Variants in WDR81 observed in about 807,000 individuals in gnomAD.
The protein encoded by WDR81 is WD repeat domain 81.
In WDR81, 92 loss-of-function variants were observed where a neutral mutation model predicts 140.8. The observed-to-expected ratio is 0.65, with a 90% CI of 0.55 to 0.78. The LOEUF (loss-of-function observed/expected upper bound fraction) is 0.78. Ranked by LOEUF, WDR81 falls within the 30% of genes least tolerant of loss-of-function variation. The pLI, the probability that WDR81 is intolerant of heterozygous loss-of-function variation, is 0.00. For synonymous variants in WDR81, 1,183 were observed against 1,156.4 expected, an observed-to-expected ratio of 1.02 and a Z score of -0.47; for missense variants, 2,502 against 2,636.4, an observed-to-expected ratio of 0.95 and a Z score of 1.12.
Position 1,725,892 on chromosome 17 carries a change from G to C in WDR81, c.933G>C (p.Glu311Asp). The C allele has an allele frequency of 1.3e-6, 2 of 1,550,890 alleles. No individual in the cohort carries two copies. The highest frequency in any genetic ancestry group is 1.7e-6 in the Non-Finnish European group (2 of 1,146,970). The change falls in exon 1 of 10, where the codon GAG (glutamate) becomes GAC (aspartate). Residue 311 changes from glutamate to aspartate, a missense_variant. By Grantham distance (45) the Glu-to-Asp change is conservative. Around this residue, in one of 3 missense-constraint regions of WDR81, gnomAD observed 547 missense variants for 513.8 expected, o/e 1.06. Coordinates refer to ENST00000409644, the MANE Select transcript of WDR81 (RefSeq NM_001163809.2). ...LDLSAYERPE[E>D]DENEEAPVAR... ...TGAGTGCTTATGAGAGGCCCGAGGA[G>C]GACGAGAATGAGGAGGCCCCTGTGG...
chr17:1,721,321 T>C (rs1914852028), upstream of WDR81, among the ~76,000 whole-genome samples: 1 of 151,296 alleles, frequency 6.6e-6, no homozygotes, highest in South Asian at 2.1e-4. Context: ...ATGGTGCCAT[T>C]GCACTCCAGC....
intron 4 of WDR81, 124 bp from the exon 5 acceptor site, chr17:1,732,201 C>T: frequency 1.5e-6 from 2 of 1,336,028 alleles, no homozygotes. Context: ...CGCACCACTG[C>T]ACTCCAGCCT....
rs1478300521 is a variant in WDR81, at chr17:1,730,773, T to C, written c.3794T>C (p.Phe1265Ser). The change falls in exon 3 of 10, where the codon TTC becomes TCC. Residue 1265 changes from phenylalanine to serine, a missense_variant. Phe to Ser is a radical substitution (Grantham distance 155). Transcript: ENST00000409644. Reference sequence around the variant, plus strand: ...GTGGCAGGACCCACTCGGCAGCAGTTCACAGTGAGCAGTGGCGAGAGCCCA... The same window carrying C: ...GTGGCAGGACCCACTCGGCAGCAGTCCACAGTGAGCAGTGGCGAGAGCCCA... The part of the protein sequence containing the change: ...SCYVGPTRQQ[F>S]TVSSGESPPL... The C allele has an allele frequency of 6.2e-7, 1 of 1,611,210 alleles. No individual in the cohort carries two copies. Among genetic ancestry groups the C allele is most frequent in the East Asian group, 2.2e-5 (1 of 44,838 alleles).
At position 1,724,980 on chromosome 17, in the gene WDR81, G is replaced by T. The variant is rs113001863; in HGVS notation, c.21G>T (p.Gly7=). The change falls in exon 1 of 10, where the codon GGG becomes GGT. Residue 7 remains glycine (G), a synonymous_variant. Transcript: ENST00000409644. ...AGGAGATGGCCCAGGGCAGCGGGGG[G>T]CGGGAAGGCGCTCTCAGAACCCCGG... MAQGSG[G]REGALRTPAG... 13,530 of 1,458,622 alleles carry T rather than the reference G, an allele frequency of 9.3e-3. 1,011 individuals are homozygous for T. The African/African-American group carries it at 0.17, about 18-fold the overall frequency. 90.4% of individuals were successfully genotyped at this position (1,458,622 alleles called of 1,614,324 possible). A position where few individuals can be genotyped will look rare whatever the true frequency, so the allele number is the denominator to read the frequency against.
At chr17:1,718,439 C>G (rs1316788562) in intron 1 of WDR81, among the ~76,000 whole-genome samples, 1 of 152,234 alleles carries the variant, frequency 6.6e-6, no homozygotes, top group African/African-American at 2.4e-5. Flanking sequence ...CCACTTCTAA[C>G]TGTTCTCAGC....
chr17:1,724,506 G>A, upstream of WDR81: 1 of 985,930 alleles, frequency 1.0e-6, no homozygotes, highest in Non-Finnish European at 1.2e-6. Context: ...GGGGCGGTAG[G>A]CATCGCCCTC....
chr17:1,728,258 C>G lies in WDR81; in HGVS notation c.3299C>G (p.Ala1100Gly). The G allele has an allele frequency of 6.2e-7, 1 of 1,612,168 alleles. No homozygotes were observed. Among genetic ancestry groups the G allele is most frequent in the South Asian group, 1.1e-5 (1 of 90,996 alleles). The change falls in exon 1 of 10, where the codon GCT becomes GGT. Residue 1100 changes from alanine (A) to glycine (G), a missense_variant. Physicochemically the swap from Ala to Gly is moderately conservative, Grantham distance 60 (BLOSUM62 0). This residue lies in a region of WDR81 where 1,737 missense variants were observed against 1,843.0 expected (regional missense o/e 0.94). Transcript: ENST00000409644. ...YVTESPQPQE[A>G]EAVSLGRLSD... is the part of the protein sequence containing the mutation. ...ACTGAGTCTCCCCAGCCCCAGGAGG[C>G]TGAGGCTGTGAGCCTGGGCCGGCTG...
At position 1,733,748 on chromosome 17, in the gene WDR81, C is replaced by T. The variant is rs759694251; in HGVS notation, c.4711C>T (p.Pro1571Ser). Residue 1571 changes from proline to serine, a missense_variant, in exon 7 of 10, where the codon CCC becomes TCC. Coordinates refer to ENST00000409644, the MANE Select transcript of WDR81 (RefSeq NM_001163809.2). ...CCTGGTGGGGAACCGCATTCAGATC[C>T]CCAATGACTCTCGGCCTGAGAACCC... Reference protein sequence around the residue: ...SVLVGNRIQIPNDSRPENPGP... With the variant: ...SVLVGNRIQISNDSRPENPGP... The T allele has an allele frequency of 3.1e-6, 5 of 1,612,604 alleles. No individual in the cohort carries two copies. The African/African-American group carries it at 4.0e-5, about 13-fold the overall frequency.
At chr17:1,730,652 G>A (rs1915631613) in intron 2 of WDR81, 103 bp from the exon 3 acceptor site, 3 of 1,454,764 alleles carry the variant, frequency 2.1e-6, no homozygotes, top group Non-Finnish European at 2.7e-6. Context: ...GCCAGGCTGG[G>A]CCCCCAGCTA....
At chr17:1,718,593 A>C (rs1455202647) in intron 1 of WDR81, among the ~76,000 whole-genome samples, 1 of 152,196 alleles carries the variant, frequency 6.6e-6, no homozygotes, top group Non-Finnish European at 1.5e-5. Flanking sequence ...TTGGCTGGGA[A>C]GTGCTGGGAA....
In WDR81 at chr17:1,724,727, C is replaced by A. The variant is rs1197474986; in HGVS notation, c.-233C>A. The A allele has an allele frequency of 9.1e-7, 1 of 1,102,258 alleles. No individual in the cohort carries two copies. Among genetic ancestry groups the A allele is most frequent in the Non-Finnish European group, 1.1e-6 (1 of 906,488 alleles). The allele number at this position is 1,102,258 out of a possible 1,614,324, so 68.3% of individuals were successfully genotyped here. On this transcript the variant is annotated 5_prime_UTR_variant, in exon 1 of 10. Coordinates refer to ENST00000409644, the MANE Select transcript of WDR81 (RefSeq NM_001163809.2). ...TCAGCTGACCCGTCACGGTGGAGCC[C>A]GGTGCTCGCGCCCGGCAGCCTCTGC...
At chr17:1,729,277 C>A (rs1394421148) in intron 1 of WDR81, among the ~76,000 whole-genome samples, 3 of 151,586 alleles carry the variant, frequency 2.0e-5, no homozygotes, top group Admixed American at 6.6e-5. Flanking sequence ...GTTAGGAGTT[C>A]GAGACCAGCC....
In WDR81 at chr17:1,733,940, CACT is replaced by C; in HGVS notation, c.4904_4906del (p.His1635_Phe1636delinsLeu). ...CGTGAGCCAGCAGGATGCCCACTTT[CACT>C]TCCACCAGATCCGCCTGCAGAGCTT... On this transcript the variant is annotated inframe_deletion, in exon 7 of 10. Transcript: ENST00000409644. The C allele has an allele frequency of 6.2e-7, 1 of 1,612,866 alleles. No homozygotes were observed. Among genetic ancestry groups the C allele is most frequent in the Non-Finnish European group, 8.5e-7 (1 of 1,179,980 alleles).
chr17:1,728,465 A>T lies in WDR81; in HGVS notation c.3506A>T (p.Glu1169Val). ...EDSCVVLEEE[E>V]GEQEEVTGAS... ...AGCTGCGTGGTGCTAGAGGAGGAGG[A>T]GGGGGAGCAGGAGGAGGTCACCGGG... The change falls in exon 1 of 10, where the codon GAG becomes GTG. Residue 1169 changes from glutamate (E) to valine (V), a missense_variant. By Grantham distance (121) the Glu-to-Val change is moderately radical (BLOSUM62 -2). Coordinates refer to ENST00000409644, the MANE Select transcript of WDR81 (RefSeq NM_001163809.2). The T allele has an allele frequency of 2.5e-6, 4 of 1,608,060 alleles. No homozygotes were observed. Among genetic ancestry groups the T allele is most frequent in the Non-Finnish European group, 3.4e-6 (4 of 1,176,608 alleles).
In WDR81 at chr17:1,726,021, C is replaced by T. The variant is rs978268683; in HGVS notation, c.1062C>T (p.His354=). ...ELRSLVLDWV[H]GRISNFHYLM... is the part of the protein sequence containing the mutation. Reference sequence around the variant, plus strand: ...GGAGCCTCGTGCTAGATTGGGTCCACGGCCGCATCAGCAACTTCCACTACC... The same window carrying T: ...GGAGCCTCGTGCTAGATTGGGTCCATGGCCGCATCAGCAACTTCCACTACC... The change falls in exon 1 of 10, where the codon CAC becomes CAT. Residue 354 remains histidine (H), a synonymous_variant. Transcript: ENST00000409644. 13 of 1,544,786 alleles carry T rather than the reference C, an allele frequency of 8.4e-6. No individual in the cohort carries two copies. Among genetic ancestry groups the T allele is most frequent in the East Asian group, 4.9e-5 (2 of 40,794 alleles).
At position 1,728,797 on chromosome 17, in the gene WDR81, CA is replaced by C. The variant is rs1285793807; in HGVS notation, c.3667+178del. Among the ~76,000 whole-genome samples the C allele has an allele frequency of 6.6e-5, 10 of 151,826 alleles. No homozygotes were observed. In the East Asian group the frequency reaches 1.9e-3, roughly 29 times the overall value. ...TGAAACCCCGTCTCTACTAAAAATA[CA>C]AAAAAATAGCCGGGCGTGGGGGCAG... On this transcript the variant is annotated intron_variant, in intron 1 of 9. Coordinates refer to ENST00000409644, the MANE Select transcript of WDR81 (RefSeq NM_001163809.2).
chr17:1,737,668 A>T lies in WDR81; in HGVS notation c.5809A>T (p.Ile1937Phe). ...HLLLGSDNGV[I>F]RLLA ...CCTGCTGGGCTCAGACAACGGGGTTATCCGCCTCCTGGCATAGACTGAGGC... is the reference window on the plus strand; with the variant it reads ...CCTGCTGGGCTCAGACAACGGGGTTTTCCGCCTCCTGGCATAGACTGAGGC... The change falls in exon 10 of 10, where the codon ATC (isoleucine) becomes TTC (phenylalanine). Residue 1937 changes from isoleucine to phenylalanine, a missense_variant. Ile to Phe is a conservative substitution (Grantham distance 21). This residue lies in a region of WDR81 where 1,737 missense variants were observed against 1,843.0 expected (regional missense o/e 0.94). Coordinates refer to ENST00000409644, the MANE Select transcript of WDR81 (RefSeq NM_001163809.2). The T allele has an allele frequency of 6.2e-7, 1 of 1,610,738 alleles. No individual in the cohort carries two copies. Among genetic ancestry groups the T allele is most frequent in the Non-Finnish European group, 8.5e-7 (1 of 1,179,392 alleles).
At chr17:1,720,875 ATAT>A (rs1914827784), upstream of WDR81, among the ~76,000 whole-genome samples, 1 of 152,160 alleles carries the variant, frequency 6.6e-6, no homozygotes, top group Non-Finnish European at 1.5e-5. Flanking sequence ...CCAGTTCCCA[ATAT>A]TGCTAGGACA....
At position 1,725,005 on chromosome 17, in the gene WDR81, GC is replaced by G. The variant is rs1915126389; in HGVS notation, c.48del (p.Gly18AlafsTer21). ...GGREGALRTPAGGWHSPPSPD... is the reference protein window; with the variant it reads ...GGREGALRTPXGGWHSPPSPD... ...GCGGGAAGGCGCTCTCAGAACCCCG[GC>G]CGGGGGCTGGCATTCCCCGCCAAGC... On this transcript the variant is annotated frameshift_variant, in exon 1 of 10. Transcript: ENST00000409644. LOFTEE classifies it high-confidence loss of function. 1 of 1,470,234 alleles carries G rather than the reference GC, an allele frequency of 6.8e-7. No individual in the cohort carries two copies. Among genetic ancestry groups the G allele is most frequent in the Non-Finnish European group, 9.0e-7 (1 of 1,113,502 alleles). The allele number at this position is 1,470,234 out of a possible 1,614,324, so 91.1% of individuals were successfully genotyped here.
Sources: gnomAD v4.1 joint callset for allele counts (sites outside exome capture counted in the v4.1 genomes callset) on GRCh38, gnomAD v4.1.1 for gene constraint, gnomAD v4.1.1 regional missense constraint, MANE v1.5 for transcripts, NCBI Gene and HGNC (gene_info 2026-07-23, HGNC 2026-07-21) for gene names.